Variants in GAB1 observed in about 807,000 individuals in gnomAD.
The protein encoded by GAB1 is GRB2 associated binding protein 1.
Under a neutral mutation model 66.5 loss-of-function variants are expected in GAB1, and 19 were observed. The ratio of observed to expected loss-of-function variants is 0.29; its 90% CI spans 0.20 to 0.42. GAB1 has a LOEUF of 0.42. Among genes scored for constraint, GAB1 ranks in the 10% least tolerant of loss-of-function variants. The probability of loss-of-function intolerance (pLI) is 1.00; values close to 1 mark genes in which losing one functional copy is unlikely to be tolerated. For synonymous variants in GAB1, 294 were observed against 301.4 expected (o/e 0.98, Z 0.25); for missense variants, 732 against 858.5 (o/e 0.85, Z 1.84).
chr4:143,393,671 A>G (rs1371909823), intron 1 of GAB1, among the ~76,000 whole-genome samples: 1 of 152,212 alleles, frequency 6.6e-6, no homozygotes, highest in Middle Eastern at 3.2e-3. Flanking sequence ...GAGTGTCCGC[A>G]TTATTAAAGA....
chr4:143,413,824 CTTTTTT>C (rs35422180), intron 1 of GAB1, among the ~76,000 whole-genome samples: 9 of 67,824 alleles, frequency 1.3e-4, no homozygotes, highest in East Asian at 3.5e-4. Context: ...CCCCGCTGCC[CTTTTTT>C]TTTTTTTTTT....
At chr4:143,359,381 A>G (rs1729572286) in intron 1 of GAB1, among the ~76,000 whole-genome samples, 1 of 152,196 alleles carries the variant, frequency 6.6e-6, no homozygotes, top group South Asian at 2.1e-4. Flanking sequence ...AAACCCACGG[A>G]AGCATTTTTA....
intron 2 of GAB1, chr4:143,425,383 A>G: frequency 1.3e-6 from 1 of 759,880 alleles, no homozygotes; most frequent in Non-Finnish European, 2.4e-6. Flanking sequence ...AGATGCAGAC[A>G]GCCTTCTGGG....
At chr4:143,361,915 G>GT (rs71588247) in intron 1 of GAB1, among the ~76,000 whole-genome samples, 24,538 of 150,168 alleles carry the variant, frequency 0.16, 2,853 homozygotes, top group African/African-American at 0.33. Flanking sequence ...GTTGTGTGTG[G>GT]TTTTTTTTTG....
intron 1 of GAB1, among the ~76,000 whole-genome samples, chr4:143,401,883 T>A (rs1510879): frequency 0.51 from 78,238 of 152,026 alleles, 21,085 homozygotes; most frequent in African/African-American, 0.67. Context: ...GTTATTTATT[T>A]AAAATAAATT....
At position 143,425,164 on chromosome 4, in the gene GAB1, C is replaced by T. The variant is rs1232071903; in HGVS notation, c.368-8327C>T. 1.8e-5 allele frequency: 15 copies of T among 828,096 alleles called. No homozygotes were observed. The East Asian group carries it at 3.4e-4, about 19-fold the overall frequency. 51.3% of individuals were successfully genotyped at this position (828,096 alleles called of 1,614,324 possible). A position where few individuals can be genotyped will look rare whatever the true frequency, so the allele number is the denominator to read the frequency against. On this transcript the variant is annotated intron_variant, in intron 2 of 9. Transcript: ENST00000262994. ...GACTTCCAGATGGAATAGTACATCT[C>T]TAAAAGGAAAAGTGATGGCATCTAC...
chr4:143,389,927 A>C (rs537180812), intron 1 of GAB1, among the ~76,000 whole-genome samples: 6 of 152,270 alleles, frequency 3.9e-5, no homozygotes, highest in African/African-American at 1.4e-4. Flanking sequence ...CCTCACTGGC[A>C]CCTCTCCTGG....
intron 1 of GAB1, among the ~76,000 whole-genome samples, chr4:143,355,987 T>G (rs1179384647): frequency 6.6e-6 from 1 of 152,042 alleles, no homozygotes; most frequent in Non-Finnish European, 1.5e-5. Flanking sequence ...CTGCTGAACA[T>G]GAAGCTGCAT....
intron 1 of GAB1, among the ~76,000 whole-genome samples, chr4:143,368,801 G>T (rs1383265460): frequency 1.3e-5 from 2 of 152,036 alleles, no homozygotes; most frequent in South Asian, 4.2e-4. Flanking sequence ...AAAGAAATAC[G>T]AACTCTTTTT....
intron 3 of GAB1, chr4:143,434,060 C>T (rs954014996): frequency 3.4e-6 from 4 of 1,170,582 alleles, no homozygotes; most frequent in Non-Finnish European, 4.6e-6. Flanking sequence ...GGTGATCTTG[C>T]TCCATTTCTT....
chr4:143,364,912 C>T (rs1315514604), intron 1 of GAB1, among the ~76,000 whole-genome samples: 2 of 123,888 alleles, frequency 1.6e-5, no homozygotes, highest in Non-Finnish European at 3.2e-5. Context: ...GAGTCTCACT[C>T]TGTCACCCAG....
rs28924068 is a variant in GAB1 at position 143,460,310 on chromosome 4, A to G, written c.1680-54A>G. The G allele has an allele frequency of 0.077, 120,041 of 1,561,362 alleles. 5,235 individuals carry two copies. Among genetic ancestry groups the G allele is most frequent in the Non-Finnish European group, 0.089 (100,884 of 1,134,060 alleles). On this transcript the variant is annotated intron_variant, in intron 7 of 9. Transcript: ENST00000262994. ...GTCTCTCATTTTTATTTGGGGAATA[A>G]TTTTAGATATTTTTGTCAAGGCTTA...
chr4:143,412,557 G>A (rs17017757), intron 1 of GAB1, among the ~76,000 whole-genome samples: 34,150 of 152,032 alleles, frequency 0.22, 3,944 homozygotes, highest in African/African-American at 0.27. Flanking sequence ...GGGGAGTTAC[G>A]TACTACACAA....
chr4:143,344,386 G>A (rs1358762777), intron 1 of GAB1, among the ~76,000 whole-genome samples: 2 of 152,158 alleles, frequency 1.3e-5, no homozygotes, highest in Admixed American at 6.5e-5. Context: ...CCAAGTTAGA[G>A]CTCCATCTGA....
chr4:143,438,122 A>G lies in GAB1; in HGVS notation c.717A>G (p.Gln239=), dbSNP rs1245412944. The G allele has an allele frequency of 1.2e-6, 2 of 1,614,054 alleles. No individual in the cohort carries two copies. Among genetic ancestry groups the G allele is most frequent in the Admixed American group, 3.3e-5 (2 of 59,982 alleles). The part of the protein sequence containing the change: ...KHGMNGFFQQ[Q]MIYDSPPSRA... ...GAATGAATGGCTTTTTTCAGCAGCA[A>G]ATGATATACGACTCTCCACCTTCAC... The change falls in exon 4 of 10, where the codon CAA becomes CAG. Residue 239 remains glutamine (Q), a synonymous_variant. Coordinates refer to ENST00000262994, the MANE Select transcript of GAB1 (RefSeq NM_002039.4).
intron 1 of GAB1, among the ~76,000 whole-genome samples, chr4:143,393,369 G>T (rs1731281657): frequency 6.6e-6 from 1 of 152,100 alleles, no homozygotes; most frequent in South Asian, 2.1e-4. Flanking sequence ...GTGTTAAGTG[G>T]TTAAGGGCAC....
chr4:143,417,400 A>G (rs776068555), intron 2 of GAB1: 2 of 415,884 alleles, frequency 4.8e-6, no homozygotes, highest in Non-Finnish European at 4.8e-6. Context: ...GTACTTTTTT[A>G]TTATTATTAT....
chr4:143,411,197 G>A (rs1221632802), intron 1 of GAB1, among the ~76,000 whole-genome samples: 1 of 152,092 alleles, frequency 6.6e-6, no homozygotes, highest in African/African-American at 2.4e-5. Context: ...CCAGAGTTTG[G>A]GTTTTATCCT....
At chr4:143,364,738 A>T (rs1729802233) in intron 1 of GAB1, among the ~76,000 whole-genome samples, 1 of 151,828 alleles carries the variant, frequency 6.6e-6, no homozygotes, top group Admixed American at 6.6e-5. Context: ...CTACAGCCCC[A>T]GTGTTTGCTT....
Sources: gnomAD v4.1 joint callset for allele counts (sites outside exome capture counted in the v4.1 genomes callset) on GRCh38, gnomAD v4.1.1 for gene constraint, MANE v1.5 for transcripts, NCBI Gene and HGNC (gene_info 2026-07-23, HGNC 2026-07-21) for gene names.